Variants in GPHN observed in about 807,000 individuals in gnomAD.
GPHN encodes gephyrin.
A neutral mutation model predicts 95.5 loss-of-function variants in GPHN; 17 were observed. The ratio of observed to expected loss-of-function variants is 0.18; its 90% CI spans 0.12 to 0.27. GPHN has a LOEUF of 0.27. Among genes scored for constraint, GPHN ranks in the 10% least tolerant of loss-of-function variants. The probability of loss-of-function intolerance (pLI) is 1.00; values close to 1 mark genes in which losing one functional copy is unlikely to be tolerated. For missense variants in GPHN, 660 were observed against 978.1 expected (o/e 0.67, Z 4.34); for synonymous variants, 320 against 322.5 (o/e 0.99, Z 0.08).
chr14:67,189,119 T>G, the GPHN span, among the ~76,000 whole-genome samples: 1 of 152,224 alleles, frequency 6.6e-6, no homozygotes, highest in Non-Finnish European at 1.5e-5. Flanking sequence ...AAGTGAATAA[T>G]AAATTATCAA....
intron 2 of GPHN, among the ~76,000 whole-genome samples, chr14:66,701,931 C>T (rs908059014): frequency 6.6e-6 from 1 of 152,236 alleles, no homozygotes; most frequent in East Asian, 1.9e-4. Context: ...ATCTCTATAG[C>T]TCCAGGCTGT....
chr14:67,362,430 A>G, the GPHN span, among the ~76,000 whole-genome samples: 814 of 152,304 alleles, frequency 5.3e-3, 20 homozygotes, highest in East Asian at 0.059. Context: ...TTTTCTTTCA[A>G]TATTTTATGT....
chr14:66,566,897 T>G (rs898771587), intron 1 of GPHN, among the ~76,000 whole-genome samples: 2 of 152,158 alleles, frequency 1.3e-5, no homozygotes, highest in Non-Finnish European at 2.9e-5. Context: ...GGAGTATAGA[T>G]TTGGCTGTAG....
intron 1 of GPHN, among the ~76,000 whole-genome samples, chr14:66,605,102 C>T (rs961641852): frequency 3.3e-5 from 5 of 152,032 alleles, no homozygotes; most frequent in African/African-American, 9.7e-5. Context: ...ACTCTACCAT[C>T]GATGGGCACC....
intron 4 of GPHN, among the ~76,000 whole-genome samples, chr14:66,827,007 G>C (rs1018016606): frequency 3.9e-5 from 6 of 152,178 alleles, no homozygotes; most frequent in African/African-American, 1.4e-4. Context: ...GTTTGGGCCT[G>C]GCATGGTGGC....
chr14:67,360,683 C>T, the GPHN span: 2 of 154,376 alleles, frequency 1.3e-5, no homozygotes, highest in African/African-American at 4.8e-5. Flanking sequence ...AGAGGAATCT[C>T]GTGAAGGAAA....
At chr14:66,651,800 AGCAACACATTTTGGGCGTCAC>A in intron 1 of GPHN, among the ~76,000 whole-genome samples, 1 of 152,084 alleles carries the variant, frequency 6.6e-6, no homozygotes, top group Admixed American at 6.5e-5. Context: ...ACTGAATATA[AGCAACACATTTTGGGCGTCAC>A]TATCTCCCAT....
intron 8 of GPHN, among the ~76,000 whole-genome samples, chr14:66,939,105 T>C (rs1282426171): frequency 6.6e-6 from 1 of 152,178 alleles, no homozygotes; most frequent in Non-Finnish European, 1.5e-5. Flanking sequence ...CAAAACTTTA[T>C]GACATTGGAT....
intron 4 of GPHN, among the ~76,000 whole-genome samples, chr14:66,839,005 G>C (rs1025841033): frequency 1.3e-5 from 2 of 152,156 alleles, no homozygotes; most frequent in African/African-American, 4.8e-5. Flanking sequence ...AATTTTACCA[G>C]TATTATTTTC....
At chr14:66,730,395 G>C (rs1228840670) in intron 2 of GPHN, among the ~76,000 whole-genome samples, 1 of 152,076 alleles carries the variant, frequency 6.6e-6, no homozygotes, top group African/African-American at 2.4e-5. Context: ...CCAAGCTGTT[G>C]ATATATATAT....
At chr14:66,720,073 C>T (rs1395213550) in intron 2 of GPHN, among the ~76,000 whole-genome samples, 1 of 151,960 alleles carries the variant, frequency 6.6e-6, no homozygotes, top group Non-Finnish European at 1.5e-5. Flanking sequence ...GACATAGAAT[C>T]TAAATTATTG....
At chr14:67,592,308 T>A in the GPHN span, 1 of 433,284 alleles carries the variant, frequency 2.3e-6, no homozygotes, top group African/African-American at 2.1e-5. Context: ...GGCGAGATGG[T>A]GCACACCTGT....
chr14:66,612,623 A>G (rs1336144944), intron 1 of GPHN, among the ~76,000 whole-genome samples: 6 of 152,078 alleles, frequency 3.9e-5, no homozygotes, highest in Non-Finnish European at 8.8e-5. Flanking sequence ...GAGCTGGACA[A>G]TTACGACAAT....
chr14:66,964,870 G>A (rs2069202780), intron 8 of GPHN, among the ~76,000 whole-genome samples: 1 of 152,060 alleles, frequency 6.6e-6, no homozygotes, highest in South Asian at 2.1e-4. Flanking sequence ...AAAATATATA[G>A]GAATTAAATA....
At chr14:66,791,527 A>G (rs1595912162) in intron 3 of GPHN, among the ~76,000 whole-genome samples, 2 of 152,236 alleles carry the variant, frequency 1.3e-5, no homozygotes, top group East Asian at 3.8e-4. Flanking sequence ...TTTCCAAGAA[A>G]AGGGGAGGCA....
At chr14:67,276,538 G>A in the GPHN span, among the ~76,000 whole-genome samples, 1 of 152,054 alleles carries the variant, frequency 6.6e-6, no homozygotes, top group African/African-American at 2.4e-5. Flanking sequence ...GATATTTATT[G>A]GACATTTCTT....
chr14:66,658,631 T>C (rs900830116), intron 1 of GPHN, among the ~76,000 whole-genome samples: 27 of 152,170 alleles, frequency 1.8e-4, no homozygotes, highest in African/African-American at 6.5e-4. Flanking sequence ...GTCATTAGCA[T>C]TTTTTGCAAT....
chr14:67,164,139 G>A (rs893944833), intron 19 of GPHN, among the ~76,000 whole-genome samples: 6 of 151,412 alleles, frequency 4.0e-5, no homozygotes, highest in Non-Finnish European at 5.9e-5. Context: ...GTGGTGGCAC[G>A]TGCCTGTAAT....
At chr14:66,984,600 G>C (rs1486113013) in intron 9 of GPHN, among the ~76,000 whole-genome samples, 1 of 152,012 alleles carries the variant, frequency 6.6e-6, no homozygotes, top group Non-Finnish European at 1.5e-5. Flanking sequence ...CTTCTAAAAG[G>C]GATAAGACAA....
Sources: gnomAD v4.1 joint callset for allele counts (sites outside exome capture counted in the v4.1 genomes callset) on GRCh38, gnomAD v4.1.1 for gene constraint, MANE v1.5 for transcripts, NCBI Gene and HGNC (gene_info 2026-07-23, HGNC 2026-07-21) for gene names.